Variants in WDFY1 observed in about 807,000 individuals in gnomAD.
WDFY1 encodes the protein WD repeat and FYVE domain containing 1, also known as WD repeat and FYVE domain-containing protein 1.
In WDFY1, 32 loss-of-function variants were observed where a neutral mutation model predicts 56.4. The observed-to-expected ratio is 0.57, with a 90% CI of 0.43 to 0.76. The LOEUF (loss-of-function observed/expected upper bound fraction) is 0.76, where lower values mean the gene tolerates loss of function less well. WDFY1 is among the 30% of genes least tolerant of loss of function. WDFY1 has a pLI of 0.00. For synonymous variants in WDFY1, 192 were observed against 197.3 expected, an observed-to-expected ratio of 0.97 and a Z score of 0.23; for missense variants, 480 against 545.7, an observed-to-expected ratio of 0.88 and a Z score of 1.20.
chr2:223,938,977 C>A (rs1182102774), intron 1 of WDFY1, among the ~76,000 whole-genome samples: 2 of 151,534 alleles, frequency 1.3e-5, no homozygotes, highest in East Asian at 3.9e-4. Context: ...GTCTCAGTCT[C>A]CCAAGTAGCT....
chr2:223,880,993 C>T (rs1461086563), intron 10 of WDFY1, among the ~76,000 whole-genome samples: 3 of 152,176 alleles, frequency 2.0e-5, no homozygotes, highest in Admixed American at 6.5e-5. Context: ...CAACACCAGT[C>T]GTGATGCACT....
At chr2:223,928,481 C>T (rs1275682867) in intron 1 of WDFY1, among the ~76,000 whole-genome samples, 1 of 152,116 alleles carries the variant, frequency 6.6e-6, no homozygotes, top group East Asian at 1.9e-4. Context: ...TGAGTTCTGG[C>T]AGAACAGCAG....
At chr2:223,928,993 G>A (rs1465330232) in intron 1 of WDFY1, among the ~76,000 whole-genome samples, 3 of 152,108 alleles carry the variant, frequency 2.0e-5, no homozygotes, top group South Asian at 2.1e-4. Context: ...TGATAGCATC[G>A]TTCCCAAAGG....
At chr2:223,892,189 T>C (rs1422520791) in intron 8 of WDFY1, among the ~76,000 whole-genome samples, 1 of 152,126 alleles carries the variant, frequency 6.6e-6, no homozygotes, top group Non-Finnish European at 1.5e-5. Flanking sequence ...TTGGCCAGGC[T>C]GGACTCCAAC....
chr2:223,929,191 T>TTTTTG (rs35845629), intron 1 of WDFY1, among the ~76,000 whole-genome samples: 2,528 of 12,560 alleles, frequency 0.2, 91 homozygotes, highest in Middle Eastern at 0.29. Flanking sequence ...TGTTTTTTGT[T>TTTTTG]TTTTTTTTTT....
chr2:223,880,053 T>C, intron 11 of WDFY1, 71 bp downstream of exon 11: 3 of 1,293,904 alleles, frequency 2.3e-6, no homozygotes, highest in African/African-American at 1.5e-5. Context: ...AGAGTGACTG[T>C]CTCCTGCACA....
At chr2:223,898,892 A>G in intron 6 of WDFY1, 66 bp downstream of exon 6, 2 of 1,180,200 alleles carry the variant, frequency 1.7e-6, no homozygotes, top group Non-Finnish European at 2.5e-6. Context: ...GAATCCACAT[A>G]GTAGAGAACT....
rs1693005509 is a variant in WDFY1, at chr2:223,878,301, GTGAAGTGTCT to G, written c.*360_*369del. 1 of 158,866 alleles carries G rather than the reference GTGAAGTGTCT, an allele frequency of 6.3e-6. No homozygotes were observed. Among genetic ancestry groups the G allele is most frequent in the African/African-American group, 2.4e-5 (1 of 41,708 alleles). 9.8% of individuals were successfully genotyped at this position (158,866 alleles called of 1,614,324 possible). A position where few individuals can be genotyped will look rare whatever the true frequency, so the allele number is the denominator to read the frequency against. ...AACCCTGGAAGGCCCCCTAGGCTAA[GTGAAGTGTCT>G]GTACTTGTGACTGCTTTGAGAAGGT... is the stretch of plus-strand genomic sequence containing the variant. On this transcript the variant is annotated 3_prime_UTR_variant, in exon 12 of 12. Transcript: ENST00000233055.
At position 223,899,022 on chromosome 2, in the gene WDFY1, C is replaced by A; in HGVS notation, c.534G>T (p.Gln178His). The change falls in exon 6 of 12, where the codon CAG (glutamine) becomes CAT (histidine). Residue 178 changes from glutamine (Q) to histidine (H), a missense_variant. Coordinates refer to ENST00000233055, the MANE Select transcript of WDFY1 (RefSeq NM_020830.5). ...TCTGTTCAAGCTTCAGCAGGGTGAT[C>A]TGCCCAGAATAATCACCAACGAAAG... is the stretch of plus-strand genomic sequence containing the variant. ...QYAFVGDYSG[Q>H]ITLLKLEQNT... 1 of 1,614,132 alleles carries A rather than the reference C, an allele frequency of 6.2e-7. No individual in the cohort carries two copies. The highest frequency in any genetic ancestry group is 8.5e-7 in the Non-Finnish European group (1 of 1,180,012).
At chr2:223,937,401 T>C (rs574385066) in intron 1 of WDFY1, among the ~76,000 whole-genome samples, 4 of 152,328 alleles carry the variant, frequency 2.6e-5, no homozygotes, top group African/African-American at 9.6e-5. Flanking sequence ...TCCCAGTCTT[T>C]AAGATTAAAG....
intron 4 of WDFY1, among the ~76,000 whole-genome samples, chr2:223,905,288 TCCA>T: frequency 6.6e-6 from 1 of 152,268 alleles, no homozygotes; most frequent in South Asian, 2.1e-4. Flanking sequence ...ACCCGGTTAT[TCCA>T]CTTTGTAGGA....
At chr2:223,934,081 CTTTTTTTTTTTT>C (rs201021204) in intron 1 of WDFY1, among the ~76,000 whole-genome samples, 10 of 136,168 alleles carry the variant, frequency 7.3e-5, no homozygotes, top group African/African-American at 2.5e-4. Flanking sequence ...TTTTTCTTTT[CTTTTTTTTTTTT>C]TTTTTTTTTT....
intron 8 of WDFY1, among the ~76,000 whole-genome samples, chr2:223,892,265 T>A (rs1277543710): frequency 1.3e-5 from 2 of 152,208 alleles, no homozygotes; most frequent in African/African-American, 4.8e-5. Context: ...CATGAGCCAC[T>A]GCGCTGGCCA....
At chr2:223,881,033 T>C (rs904513708) in intron 10 of WDFY1, among the ~76,000 whole-genome samples, 2 of 152,198 alleles carry the variant, frequency 1.3e-5, no homozygotes, top group African/African-American at 4.8e-5. Context: ...CTGCCAACAT[T>C]TGCCTCTGCT....
chr2:223,890,993 CAG>C (rs559855289), intron 8 of WDFY1, among the ~76,000 whole-genome samples: 45 of 152,216 alleles, frequency 3.0e-4, no homozygotes, highest in African/African-American at 1.1e-3. Flanking sequence ...TTAGTATTGA[CAG>C]GGGACTTGGA....
chr2:223,929,189 GTTT>G (rs566936287), intron 1 of WDFY1, among the ~76,000 whole-genome samples: 2,819 of 28,884 alleles, frequency 0.098, 101 homozygotes, highest in African/African-American at 0.16. Flanking sequence ...TCTGTTTTTT[GTTT>G]TTTTTTTTTT....
chr2:223,932,853 C>A (rs1694101604), intron 1 of WDFY1, among the ~76,000 whole-genome samples: 1 of 132,458 alleles, frequency 7.5e-6, no homozygotes. Context: ...CTGACAGTAC[C>A]TCCAGGGGAT....
intron 1 of WDFY1, among the ~76,000 whole-genome samples, chr2:223,924,034 G>T (rs1299085040): frequency 6.6e-6 from 1 of 152,176 alleles, no homozygotes; most frequent in African/African-American, 2.4e-5. Context: ...CTGGGGAAAA[G>T]AAATCTTTCC....
chr2:223,884,835 G>T, intron 8 of WDFY1, 86 bp from the exon 9 acceptor site: 5 of 1,175,892 alleles, frequency 4.3e-6, no homozygotes, highest in Non-Finnish European at 6.1e-6. Flanking sequence ...TCTAGACCTT[G>T]CCAAGGTTAG....
Sources: allele counts gnomAD v4.1 joint callset (sites outside exome capture counted in the v4.1 genomes callset), GRCh38; gene constraint gnomAD v4.1.1; transcripts MANE v1.5; gene names NCBI Gene and HGNC (gene_info 2026-07-23, HGNC 2026-07-21).